Variants in DNER observed in about 807,000 individuals in gnomAD.
DNER encodes delta/notch like EGF repeat containing.
Under a neutral mutation model 78.2 loss-of-function variants are expected in DNER, and 33 were observed. That is an observed-to-expected ratio of 0.42 (90% CI 0.32 to 0.56). The LOEUF is 0.56. Ranked by LOEUF, DNER falls within the 20% of genes least tolerant of loss-of-function variation. The probability of loss-of-function intolerance (pLI) is 0.11; values close to 1 mark genes in which losing one functional copy is unlikely to be tolerated. For missense variants in DNER, 918 were observed against 975.3 expected (o/e 0.94, Z 0.78); for synonymous variants, 417 against 384.8 (o/e 1.08, Z -0.98).
chr2:229,483,898 C>A (rs189691963), intron 6 of DNER, among the ~76,000 whole-genome samples: 442 of 152,260 alleles, frequency 2.9e-3, no homozygotes, highest in African/African-American at 0.01. Flanking sequence ...AGAAGGTGAC[C>A]CATGGGAGTA....
intron 5 of DNER, among the ~76,000 whole-genome samples, chr2:229,534,989 C>A (rs544456888): frequency 6.6e-6 from 1 of 152,094 alleles, no homozygotes; most frequent in Non-Finnish European, 1.5e-5. Flanking sequence ...GCACCCACCA[C>A]CATGCCCAGC....
intron 3 of DNER, among the ~76,000 whole-genome samples, chr2:229,587,999 TA>T (rs1202853259): frequency 2.0e-5 from 3 of 152,152 alleles, no homozygotes; most frequent in African/African-American, 7.2e-5. Flanking sequence ...GAGAAAATTG[TA>T]ATATGTAGAA....
At chr2:229,421,064 A>G (rs1415352346) in intron 8 of DNER, among the ~76,000 whole-genome samples, 1 of 152,238 alleles carries the variant, frequency 6.6e-6, no homozygotes, top group African/African-American at 2.4e-5. Flanking sequence ...AGTGGTACAT[A>G]ATACAATGGA....
chr2:229,450,139 T>A (rs915763902), intron 7 of DNER, among the ~76,000 whole-genome samples: 2 of 152,192 alleles, frequency 1.3e-5, no homozygotes, highest in Non-Finnish European at 2.9e-5. Context: ...AGAACTGAAC[T>A]AATGATGACA....
intron 6 of DNER, among the ~76,000 whole-genome samples, chr2:229,512,286 G>C (rs753090767): frequency 2.0e-4 from 30 of 151,356 alleles, no homozygotes; most frequent in Non-Finnish European, 3.2e-4. Flanking sequence ...GGGAGGCTGA[G>C]GAAGGAGAAT....
intron 7 of DNER, among the ~76,000 whole-genome samples, chr2:229,460,115 C>T (rs1694662182): frequency 7.1e-6 from 1 of 141,526 alleles, no homozygotes; most frequent in Non-Finnish European, 1.5e-5. Flanking sequence ...AGAGATCGCG[C>T]CACTACACTC....
chr2:229,625,533 C>G (rs6436880), intron 1 of DNER, among the ~76,000 whole-genome samples: 132,674 of 151,888 alleles, frequency 0.87, 58,310 homozygotes, highest in East Asian at 0.98. Flanking sequence ...CGGAGGGGAG[C>G]GGGCTCAAGG....
chr2:229,573,411 G>A (rs150943446), intron 4 of DNER, among the ~76,000 whole-genome samples: 27 of 152,216 alleles, frequency 1.8e-4, no homozygotes, highest in Admixed American at 3.9e-4. Flanking sequence ...TGACATGTTC[G>A]ACTCTGGTCC....
At chr2:229,413,227 T>C (rs959990022) in intron 9 of DNER, among the ~76,000 whole-genome samples, 1 of 151,910 alleles carries the variant, frequency 6.6e-6, no homozygotes, top group African/African-American at 2.4e-5. Context: ...GCTAGGGTAA[T>C]ATATGAATGT....
intron 11 of DNER, among the ~76,000 whole-genome samples, chr2:229,380,139 G>T (rs537760450): frequency 6.6e-6 from 1 of 152,132 alleles, no homozygotes; most frequent in Non-Finnish European, 1.5e-5. Flanking sequence ...TGGTCAAGTT[G>T]GTCAAGTTGA....
Position 229,564,361 on chromosome 2 carries a change from C to T in DNER, c.848-17269G>A, listed in dbSNP as rs529974701. 6.9e-3 allele frequency among the ~76,000 whole-genome samples: 1,026 copies of T among 147,802 alleles called. 5 individuals carry two copies. The highest frequency in any genetic ancestry group is 0.011 in the Non-Finnish European group (705 of 66,942). ...TCACCATCATCATCATCATCCTCAC[C>T]CCATCACCATCATCATCATCATCAC... On this transcript the variant is annotated intron_variant, in intron 4 of 12. Coordinates refer to ENST00000341772, the MANE Select transcript of DNER (RefSeq NM_139072.4).
intron 1 of DNER, among the ~76,000 whole-genome samples, chr2:229,672,549 G>A (rs538301903): frequency 5.9e-5 from 9 of 151,550 alleles, no homozygotes; most frequent in Middle Eastern, 3.4e-3. Flanking sequence ...AGCAGGAGGA[G>A]GACTAGGAGG....
At chr2:229,411,355 G>A (rs1693514665) in intron 9 of DNER, among the ~76,000 whole-genome samples, 1 of 152,076 alleles carries the variant, frequency 6.6e-6, no homozygotes, top group Non-Finnish European at 1.5e-5. Flanking sequence ...TCAGGAGTTC[G>A]AGACCAGCCT....
chr2:229,624,417 C>A (rs1453978282), intron 1 of DNER, among the ~76,000 whole-genome samples: 1 of 152,022 alleles, frequency 6.6e-6, no homozygotes, highest in Non-Finnish European at 1.5e-5. Context: ...CCTAAAAGTC[C>A]GTTCTTCAAC....
chr2:229,443,045 G>A (rs1694268347), intron 8 of DNER, among the ~76,000 whole-genome samples: 1 of 152,150 alleles, frequency 6.6e-6, no homozygotes, highest in South Asian at 2.1e-4. Flanking sequence ...GCCATGTCTA[G>A]TCTGGGATTT....
chr2:229,703,377 A>G (rs1699780477), intron 1 of DNER, among the ~76,000 whole-genome samples: 1 of 152,218 alleles, frequency 6.6e-6, no homozygotes, highest in Non-Finnish European at 1.5e-5. Flanking sequence ...CATACATTGC[A>G]CCACATAGAA....
chr2:229,488,553 G>C (rs1267422293), intron 6 of DNER, among the ~76,000 whole-genome samples: 1 of 152,244 alleles, frequency 6.6e-6, no homozygotes, highest in African/African-American at 2.4e-5. Context: ...TTATAGATAA[G>C]AGAACTTGGG....
At chr2:229,367,264 G>C (rs1413126185) in intron 11 of DNER, 145 bp from the exon 12 acceptor site, 1 of 1,200,318 alleles carries the variant, frequency 8.3e-7, no homozygotes, top group Non-Finnish European at 1.1e-6. Flanking sequence ...TCCAGACCCA[G>C]GGTTAATATC....
intron 1 of DNER, among the ~76,000 whole-genome samples, chr2:229,634,759 C>A (rs1698500130): frequency 1.3e-5 from 2 of 152,148 alleles, no homozygotes; most frequent in Non-Finnish European, 2.9e-5. Context: ...CTGTCATCAC[C>A]ATGGCAACCT....
Sources: gnomAD v4.1 joint callset for allele counts (sites outside exome capture counted in the v4.1 genomes callset) on GRCh38, gnomAD v4.1.1 for gene constraint, MANE v1.5 for transcripts, NCBI Gene and HGNC (gene_info 2026-07-23, HGNC 2026-07-21) for gene names.